The following ACVR1 variants were observed in gnomAD, a reference collection of about 807,000 sequenced individuals.
The protein encoded by ACVR1 is activin receptor type-1.
In ACVR1, 38 loss-of-function variants were observed where a neutral mutation model predicts 57.1. The ratio of observed to expected loss-of-function variants is 0.67; its 90% CI spans 0.51 to 0.87. The LOEUF is 0.87. ACVR1 is among the 40% of genes least tolerant of loss of function. ACVR1 has a pLI of 0.00. For synonymous variants in ACVR1, 212 were observed against 228.1 expected (o/e 0.93, Z 0.63); for missense variants, 463 against 638.2 (o/e 0.73, Z 2.96).
intron 1 of ACVR1, among the ~76,000 whole-genome samples, chr2:157,857,963 T>C (rs1480363426): frequency 6.6e-6 from 1 of 151,992 alleles, no homozygotes; most frequent in African/African-American, 2.4e-5. Context: ...AACCAGAAGA[T>C]GACTACTCCC....
intron 9 of ACVR1, among the ~76,000 whole-genome samples, chr2:157,740,428 T>C (rs1257434969): frequency 6.6e-6 from 1 of 152,150 alleles, no homozygotes; most frequent in Non-Finnish European, 1.5e-5. Flanking sequence ...ACAGACACCA[T>C]CTAAAATACA....
chr2:157,874,638 GT>G (rs1690219304), intron 1 of ACVR1, among the ~76,000 whole-genome samples: 2 of 152,290 alleles, frequency 1.3e-5, no homozygotes, highest in Non-Finnish European at 2.9e-5. Flanking sequence ...AAGGGAGGTG[GT>G]GTCTATTTTT....
chr2:157,805,391 C>T (rs1215328697), intron 2 of ACVR1, among the ~76,000 whole-genome samples: 3 of 152,174 alleles, frequency 2.0e-5, no homozygotes, highest in Non-Finnish European at 4.4e-5. Flanking sequence ...CATACAATCA[C>T]CCACCCCTAT....
chr2:157,785,716 A>AT (rs1372062935), intron 3 of ACVR1, among the ~76,000 whole-genome samples: 1 of 152,182 alleles, frequency 6.6e-6, no homozygotes. Context: ...AAGAAAATGT[A>AT]TTTCAGCAGT....
intron 3 of ACVR1, among the ~76,000 whole-genome samples, chr2:157,794,429 T>C (rs1687030765): frequency 6.6e-6 from 1 of 152,090 alleles, no homozygotes; most frequent in African/African-American, 2.4e-5. Context: ...TTACAAACTC[T>C]CTTCTCACGC....
At chr2:157,871,429 G>A (rs145289140) in intron 1 of ACVR1, among the ~76,000 whole-genome samples, 220 of 152,248 alleles carry the variant, frequency 1.4e-3, no homozygotes, top group Non-Finnish European at 2.1e-3. Flanking sequence ...GATCCCTCAG[G>A]ACACTTATGC....
chr2:157,780,239 G>A (rs779389468), intron 4 of ACVR1, 98 bp downstream of exon 4: 19 of 1,539,612 alleles, frequency 1.2e-5, no homozygotes, highest in Non-Finnish European at 1.5e-5. Flanking sequence ...CAAAATGTAG[G>A]TGGAATGCCT....
intron 1 of ACVR1, among the ~76,000 whole-genome samples, chr2:157,823,984 A>G (rs538092022): frequency 6.6e-6 from 1 of 152,308 alleles, no homozygotes. Context: ...AACAGGCGTC[A>G]TGACTCCCTT....
intron 9 of ACVR1, among the ~76,000 whole-genome samples, chr2:157,748,035 CTTTT>C (rs1681165000): frequency 1.3e-5 from 2 of 151,990 alleles, no homozygotes; most frequent in Admixed American, 1.3e-4. Flanking sequence ...CTCTACCTTC[CTTTT>C]TTTTCTTTTT....
intron 1 of ACVR1, among the ~76,000 whole-genome samples, chr2:157,839,824 G>A (rs1300543256): frequency 6.6e-6 from 1 of 152,132 alleles, no homozygotes; most frequent in Non-Finnish European, 1.5e-5. Flanking sequence ...CAAGAACAGT[G>A]CTCTTTTTAT....
chr2:157,767,862 GATC>G lies in ACVR1; in HGVS notation c.791-1669_791-1667del, dbSNP rs200729599. On this transcript the variant is annotated intron_variant, in intron 7 of 10. Coordinates refer to ENST00000434821, the MANE Select transcript of ACVR1 (RefSeq NM_001111067.4). ...GTGAGCCAAGAAAGGTCCCCTATTT[GATC>G]ATCATCATCATCGGCAACCACAACA... 6.2e-4 allele frequency among the ~76,000 whole-genome samples: 94 copies of G among 152,174 alleles called. 1 individual carries two copies. In the East Asian group the frequency reaches 0.017, roughly 27 times the overall value.
intron 9 of ACVR1, among the ~76,000 whole-genome samples, chr2:157,755,033 G>T (rs1226093834): frequency 6.6e-6 from 1 of 152,062 alleles, no homozygotes; most frequent in African/African-American, 2.4e-5. Context: ...AACAGATGCA[G>T]AAAAAGCATT....
rs75589732 is a variant in ACVR1, at chr2:157,848,727, C to T, written c.-183+27069G>A. Among the ~76,000 whole-genome samples, 1,184 of 152,284 alleles carry T rather than the reference C, an allele frequency of 7.8e-3. 13 individuals are homozygous for T. Among genetic ancestry groups the T allele is most frequent in the Middle Eastern group, 0.044 (13 of 294 alleles). ...ACATGGAAAAGAGTCTGAAAGAAGT[C>T]GCACCTCATATCTTAAAAGTCAACC... On this transcript the variant is annotated intron_variant, in intron 1 of 10. Transcript: ENST00000434821.
At chr2:157,782,990 G>T (rs1314255179) in intron 3 of ACVR1, among the ~76,000 whole-genome samples, 3 of 152,114 alleles carry the variant, frequency 2.0e-5, no homozygotes, top group African/African-American at 7.2e-5. Flanking sequence ...TTCATGGACT[G>T]ACAATGAATT....
intron 1 of ACVR1, among the ~76,000 whole-genome samples, chr2:157,849,828 T>C (rs1689235796): frequency 6.6e-6 from 1 of 152,240 alleles, no homozygotes; most frequent in African/African-American, 2.4e-5. Context: ...ATTCCTGGAA[T>C]AGTCAACCTT....
Position 157,816,603 on chromosome 2 carries a change from G to GTAA in ACVR1, c.-8+1779_-8+1781dup, listed in dbSNP as rs35068721. Among the ~76,000 whole-genome samples, 356 of 150,458 alleles carry GTAA rather than the reference G, an allele frequency of 2.4e-3. 3 individuals are homozygous for GTAA. Among genetic ancestry groups the GTAA allele is most frequent in the African/African-American group, 6.4e-3 (261 of 40,842 alleles). ...CAGAGTGAGACCCTGCCTCAAAATA[G>GTAA]TAATAATAATAATAATAATAATAAG... On this transcript the variant is annotated intron_variant, in intron 2 of 10. Coordinates refer to ENST00000434821, the MANE Select transcript of ACVR1 (RefSeq NM_001111067.4).
chr2:157,761,957 A>G (rs1313986964), intron 8 of ACVR1, among the ~76,000 whole-genome samples: 3 of 152,204 alleles, frequency 2.0e-5, no homozygotes, highest in Admixed American at 6.5e-5. Flanking sequence ...CCATCTACAG[A>G]GAATGCTTCA....
chr2:157,805,621 G>A (rs1441802851), intron 2 of ACVR1, among the ~76,000 whole-genome samples: 4 of 151,958 alleles, frequency 2.6e-5, no homozygotes, highest in Admixed American at 2.0e-4. Context: ...CTTTTTCTTA[G>A]TCTTCTGGGA....
chr2:157,838,088 T>TC (rs112565638), intron 1 of ACVR1, among the ~76,000 whole-genome samples: 6,458 of 150,822 alleles, frequency 0.043, 194 homozygotes, highest in Non-Finnish European at 0.058. Context: ...AGAAAGCTTT[T>TC]CCCCCCCTCC....
Sources: allele counts gnomAD v4.1 joint callset (sites outside exome capture counted in the v4.1 genomes callset), GRCh38; gene constraint gnomAD v4.1.1; transcripts MANE v1.5; gene names NCBI Gene and HGNC (gene_info 2026-07-23, HGNC 2026-07-21).